The following LMO7 variants were observed in gnomAD, a reference collection of about 807,000 sequenced individuals.
LMO7 encodes the protein LIM domain 7, also known as LIM domain only protein 7.
Under a neutral mutation model 206.5 loss-of-function variants are expected in LMO7, and 120 were observed. The observed-to-expected ratio is 0.58, with a 90% CI of 0.50 to 0.68. The LOEUF (loss-of-function observed/expected upper bound fraction) is 0.68, where lower values mean the gene tolerates loss of function less well. Among genes scored for constraint, LMO7 ranks in the 30% least tolerant of loss-of-function variants. The probability of loss-of-function intolerance (pLI) is 0.00; values close to 1 mark genes in which losing one functional copy is unlikely to be tolerated. For synonymous variants in LMO7, 706 were observed against 681.5 expected (o/e 1.04, Z -0.56); for missense variants, 1,959 against 1,957.9 (o/e 1.00, Z -0.01).
At chr13:75,626,542 G>A (rs1379327939) in intron 2 of LMO7, among the ~76,000 whole-genome samples, 2 of 139,798 alleles carry the variant, frequency 1.4e-5, no homozygotes, top group African/African-American at 5.6e-5. Context: ...TGGGGACACA[G>A]CCAAACCATA....
At chr13:75,623,138 T>C in intron 1 of LMO7, 4 of 503,340 alleles carry the variant, frequency 7.9e-6, no homozygotes, top group Non-Finnish European at 1.4e-5. Context: ...TATTTTGGCA[T>C]CTCTACTAAA....
intron 1 of LMO7, among the ~76,000 whole-genome samples, chr13:75,681,153 C>T (rs1444820759): frequency 6.6e-6 from 1 of 152,098 alleles, no homozygotes; most frequent in Non-Finnish European, 1.5e-5. Context: ...TGTGCAGAAG[C>T]GCTTTAGTTT....
upstream of LMO7, chr13:75,636,022 G>A (rs2035775260): frequency 2.6e-5 from 4 of 154,322 alleles, no homozygotes; most frequent in East Asian, 1.9e-4. Context: ...GCTCTCAGGG[G>A]CCCGGGAGAG....
rs549112439 is a variant in LMO7, at chr13:75,699,491, G to A, written c.70-13691G>A. On this transcript the variant is annotated intron_variant, in intron 1 of 30. Transcript: ENST00000377534. ...TTATTTTCTATTTTCCCTAAGTGTC[G>A]GCCGGTCTGAGAAATAAATAAGAAA... Among the ~76,000 whole-genome samples, 49 of 150,880 alleles carry A rather than the reference G, an allele frequency of 3.2e-4. No homozygotes were observed. The South Asian group carries it at 9.5e-3, about 29-fold the overall frequency.
chr13:75,698,775 C>T (rs1009317393), intron 1 of LMO7, among the ~76,000 whole-genome samples: 1 of 151,890 alleles, frequency 6.6e-6, no homozygotes, highest in African/African-American at 2.4e-5. Context: ...GCACAAATGT[C>T]TCAGTGTACA....
In LMO7 at chr13:75,654,032, TA is replaced by T. The variant is rs200463809; in HGVS notation, c.69+17312del. 8.2e-3 allele frequency among the ~76,000 whole-genome samples: 1,242 copies of T among 152,268 alleles called. 14 individuals are homozygous for T. Among genetic ancestry groups the T allele is most frequent in the Non-Finnish European group, 0.013 (867 of 68,018 alleles). ...CACTAAATCTAGGTTTTATTTCATA[TA>T]AAAAAGTACCTTTCTCACTCTCATC... On this transcript the variant is annotated intron_variant, in intron 1 of 30. Transcript: ENST00000377534.
chr13:75,831,123 T>C (rs1255357304), intron 15 of LMO7, among the ~76,000 whole-genome samples: 1 of 152,200 alleles, frequency 6.6e-6, no homozygotes, highest in African/African-American at 2.4e-5. Context: ...TAGCAGAGTT[T>C]TATTATATTC....
intron 3 of LMO7, among the ~76,000 whole-genome samples, chr13:75,747,392 C>A (rs1208685052): frequency 6.6e-6 from 1 of 152,190 alleles, no homozygotes; most frequent in African/African-American, 2.4e-5. Flanking sequence ...TGCTGCCACA[C>A]ATGATCTCAG....
At chr13:75,700,248 A>G (rs1317194505) in intron 1 of LMO7, among the ~76,000 whole-genome samples, 1 of 152,264 alleles carries the variant, frequency 6.6e-6, no homozygotes, top group East Asian at 1.9e-4. Flanking sequence ...GCTTATGAAG[A>G]TGATGGGATT....
At chr13:75,721,765 A>G (rs4539478) in intron 2 of LMO7, among the ~76,000 whole-genome samples, 141,290 of 152,290 alleles carry the variant, frequency 0.93, 65,577 homozygotes, top group East Asian at 1. Context: ...TGCAAATTGC[A>G]CTGCTATAAA....
At chr13:75,686,751 C>CTGACAATA (rs2041034886) in intron 1 of LMO7, among the ~76,000 whole-genome samples, 1 of 152,038 alleles carries the variant, frequency 6.6e-6, no homozygotes, top group Non-Finnish European at 1.5e-5. Flanking sequence ...GTCAGGGCTG[C>CTGACAATA]TATAACAGAG....
At chr13:75,711,242 A>G (rs1302637471) in intron 1 of LMO7, among the ~76,000 whole-genome samples, 2 of 152,012 alleles carry the variant, frequency 1.3e-5, no homozygotes, top group Non-Finnish European at 2.9e-5. Flanking sequence ...TTCATCAGGG[A>G]TATTGGTCTA....
intron 1 of LMO7, among the ~76,000 whole-genome samples, chr13:75,671,653 A>T (rs2039592060): frequency 6.6e-6 from 1 of 152,224 alleles, no homozygotes; most frequent in Admixed American, 6.5e-5. Flanking sequence ...TTGATTAAAG[A>T]TGAAATGAGA....
At chr13:75,808,703 T>G (rs1170612548) in intron 10 of LMO7, among the ~76,000 whole-genome samples, 1 of 152,210 alleles carries the variant, frequency 6.6e-6, no homozygotes, top group Non-Finnish European at 1.5e-5. Flanking sequence ...AAGTTCAGAG[T>G]AAACGTTGAT....
chr13:75,795,267 G>A (rs998491211), intron 4 of LMO7, 134 bp from the exon 5 acceptor site: 3 of 620,368 alleles, frequency 4.8e-6, no homozygotes, highest in South Asian at 2.1e-5. Flanking sequence ...GATAATATGA[G>A]CTCTAAGAGA....
chr13:75,800,995 G>A (rs1443823361), intron 7 of LMO7, 113 bp downstream of exon 7: 2 of 882,878 alleles, frequency 2.3e-6, no homozygotes, highest in African/African-American at 3.3e-5. Flanking sequence ...CTTAGAAGTG[G>A]ATTTTCATAG....
intron 1 of LMO7, among the ~76,000 whole-genome samples, chr13:75,694,759 G>T (rs1258757923): frequency 6.6e-6 from 1 of 152,116 alleles, no homozygotes; most frequent in African/African-American, 2.4e-5. Context: ...TAAGATAAGG[G>T]CACTCCAGGG....
intron 17 of LMO7, 64 bp downstream of exon 17, chr13:75,834,451 C>A: frequency 1.6e-6 from 2 of 1,245,918 alleles, no homozygotes; most frequent in South Asian, 1.7e-5. Flanking sequence ...GCAAGTGGTT[C>A]TAACAATTTG....
At chr13:75,639,854 C>T (rs956659013) in intron 1 of LMO7, among the ~76,000 whole-genome samples, 1 of 152,178 alleles carries the variant, frequency 6.6e-6, no homozygotes, top group Non-Finnish European at 1.5e-5. Context: ...TTTCTGCTCA[C>T]CTGCCCTTCC....
Sources: allele counts gnomAD v4.1 joint callset (sites outside exome capture counted in the v4.1 genomes callset), GRCh38; gene constraint gnomAD v4.1.1; transcripts MANE v1.5; gene names NCBI Gene and HGNC (gene_info 2026-07-23, HGNC 2026-07-21).